The following PHLDB2 variants were observed in gnomAD, a reference collection of about 807,000 sequenced individuals.
The protein encoded by PHLDB2 is pleckstrin homology-like domain family B member 2.
Under a neutral mutation model 123.6 loss-of-function variants are expected in PHLDB2, and 71 were observed. The observed-to-expected ratio is 0.57, with a 90% confidence interval of 0.47 to 0.70. The LOEUF (loss-of-function observed/expected upper bound fraction) is 0.70, where lower values mean the gene tolerates loss of function less well. PHLDB2 is among the 30% of genes least tolerant of loss of function. PHLDB2 has a pLI of 0.00. For synonymous variants in PHLDB2, 547 were observed against 541.6 expected (o/e 1.01, Z -0.14); for missense variants, 1,446 against 1,519.5 (o/e 0.95, Z 0.80).
At chr3:111,886,428 C>T (rs1010762576) in intron 2 of PHLDB2, among the ~76,000 whole-genome samples, 7 of 149,004 alleles carry the variant, frequency 4.7e-5, no homozygotes, top group Admixed American at 2.0e-4. Flanking sequence ...TTTCTTAAAA[C>T]ATTATGAGAT....
intron 5 of PHLDB2, among the ~76,000 whole-genome samples, chr3:111,922,908 G>A (rs1010898461): frequency 1.3e-5 from 2 of 152,082 alleles, no homozygotes; most frequent in Non-Finnish European, 2.9e-5. Flanking sequence ...CCCTTTGGAT[G>A]TGCTCTGGGT....
chr3:111,833,955 A>T lies in PHLDB2; in HGVS notation c.-48-11866A>T, dbSNP rs796383804. 3.6e-3 allele frequency among the ~76,000 whole-genome samples: 350 copies of T among 97,344 alleles called. 106 individuals carry two copies. The highest frequency in any genetic ancestry group is 0.014 in the African/African-American group (288 of 21,010). 63.9% of individuals were successfully genotyped at this position (97,344 alleles called of 152,430 possible). Reference sequence around the variant, plus strand: ...ATATATGTAATGGAATTATATATATAATATATGTAATGGAATTATATATAT... The same window carrying T: ...ATATATGTAATGGAATTATATATATTATATATGTAATGGAATTATATATAT... On this transcript the variant is annotated intron_variant, in intron 1 of 17. Coordinates refer to the PHLDB2 transcript ENST00000393923.
chr3:111,837,363 C>G (rs2063463619), intron 1 of PHLDB2, among the ~76,000 whole-genome samples: 1 of 152,112 alleles, frequency 6.6e-6, no homozygotes, highest in Admixed American at 6.6e-5. Flanking sequence ...TAACATCAAA[C>G]AGTTGATCTA....
chr3:111,814,944 A>C (rs2062005995), intron 1 of PHLDB2, among the ~76,000 whole-genome samples: 1 of 152,184 alleles, frequency 6.6e-6, no homozygotes, highest in Non-Finnish European at 1.5e-5. Flanking sequence ...GTGTGGGAGG[A>C]ACCTGGTGGG....
In PHLDB2 at chr3:111,780,412, A is replaced by AAGAAGAAG. The variant is rs1326616017; in HGVS notation, c.-49+47710_-49+47711insGAAGAAGA. Among the ~76,000 whole-genome samples, 39 of 116,774 alleles carry AAGAAGAAG rather than the reference A, an allele frequency of 3.3e-4. 6 individuals carry two copies. The highest frequency in any genetic ancestry group is 4.2e-3 in the Middle Eastern group (1 of 236). 76.6% of individuals were successfully genotyped at this position (116,774 alleles called of 152,430 possible). On this transcript the variant is annotated intron_variant, in intron 1 of 17. Transcript: ENST00000393923. ...AGAAGAAGAAGAAGAAGAAGAAGAA[A>AAGAAGAAG]AAGATTAGTTCGGCCCAACTTTCTG... is the stretch of plus-strand genomic sequence containing the variant.
intron 1 of PHLDB2, among the ~76,000 whole-genome samples, chr3:111,822,391 A>G (rs186204034): frequency 6.6e-6 from 1 of 152,054 alleles, no homozygotes; most frequent in East Asian, 1.9e-4. Context: ...TTCCTTGTGA[A>G]AATGAAAGGC....
In PHLDB2 at chr3:111,865,106, G is replaced by C. The variant is rs142928053; in HGVS notation, c.-15+5530G>C. 3.7e-4 allele frequency among the ~76,000 whole-genome samples: 57 copies of C among 152,334 alleles called. No homozygotes were observed. In the East Asian group the frequency reaches 8.9e-3, roughly 24 times the overall value. On this transcript the variant is annotated intron_variant, in intron 1 of 17. Transcript: ENST00000431670. ...CTTTTGACCAGTGCAGACCCAGTGT[G>C]AATAGTGCCGCACAGCCAAGAGATA...
intron 1 of PHLDB2, among the ~76,000 whole-genome samples, chr3:111,807,950 T>G (rs557767662): frequency 3.4e-5 from 3 of 88,658 alleles, no homozygotes; most frequent in South Asian, 7.0e-4. Flanking sequence ...CTGGGTGTTT[T>G]TTTTTTTTTT....
At chr3:111,903,835 C>G (rs552061112) in intron 2 of PHLDB2, among the ~76,000 whole-genome samples, 1 of 152,268 alleles carries the variant, frequency 6.6e-6, no homozygotes, top group East Asian at 1.9e-4. Context: ...CACTAATCTA[C>G]TCATCTCTGT....
rs2071873601 is a variant in PHLDB2 at position 111,967,790 on chromosome 3, A to G, written c.3281A>G (p.Lys1094Arg). 1.2e-6 allele frequency: 2 copies of G among 1,612,004 alleles called. No individual in the cohort carries two copies. The change falls in exon 15 of 18, where the codon AAG becomes AGG. Residue 1094 changes from lysine to arginine, a missense_variant. Transcript: ENST00000431670. ...AGCCAGAGGCAGAAGTTAATAGAAA[A>G]GGAAGTAAAAATAAGGGAGAGACAA... is the stretch of plus-strand genomic sequence containing the variant. ...ETSQRQKLIE[K>R]EVKIRERQRA...
Position 111,949,077 on chromosome 3 carries a change from T to C in PHLDB2, c.2631+2T>C. On this transcript the variant is annotated splice_donor_variant, in intron 10 of 17. Transcript: ENST00000431670. LOFTEE classifies it high-confidence loss of function. ...GCGAGCCAGCCACAGAGTAAAGAGG[T>C]GTGTAGGCATGACGTTTCATTCATT... is the stretch of plus-strand genomic sequence containing the variant. 6.2e-7 allele frequency: 1 copy of C among 1,613,286 alleles called. No homozygotes were observed. The highest frequency in any genetic ancestry group is 1.1e-5 in the South Asian group (1 of 91,034).
intron 1 of PHLDB2, chr3:111,859,946 T>C (rs907759675): frequency 6.9e-5 from 64 of 924,424 alleles, no homozygotes; most frequent in Non-Finnish European, 7.6e-5. Context: ...AAGCCCGGGC[T>C]GGGGTCGGCA....
At chr3:111,921,604 CTT>C (rs368628355) in intron 5 of PHLDB2, among the ~76,000 whole-genome samples, 3 of 132,238 alleles carry the variant, frequency 2.3e-5, no homozygotes, top group African/African-American at 2.8e-5. Context: ...TGCCCCCAGA[CTT>C]TTTTTTTTTT....
At chr3:111,894,302 G>C (rs1026526847) in intron 2 of PHLDB2, among the ~76,000 whole-genome samples, 5 of 151,856 alleles carry the variant, frequency 3.3e-5, no homozygotes, top group African/African-American at 9.7e-5. Context: ...TCTTAATCCA[G>C]TCTATCATTG....
intron 1 of PHLDB2, among the ~76,000 whole-genome samples, chr3:111,777,994 G>A (rs2060296900): frequency 6.6e-6 from 1 of 151,878 alleles, no homozygotes; most frequent in Admixed American, 6.6e-5. Context: ...TATAAGCGTA[G>A]GAGCTGACTA....
chr3:111,943,776 A>G lies in PHLDB2; in HGVS notation c.2398-1492A>G, dbSNP rs546822229. Among the ~76,000 whole-genome samples the G allele has an allele frequency of 2.0e-5, 3 of 152,310 alleles. No homozygotes were observed. In the South Asian group the frequency reaches 6.2e-4, roughly 32 times the overall value. ...TATGAAGCAACTAGAACTTTCATACATTGCTGACTTGAGTGTAAAATATAC... is the reference window on the plus strand; with the variant it reads ...TATGAAGCAACTAGAACTTTCATACGTTGCTGACTTGAGTGTAAAATATAC... On this transcript the variant is annotated intron_variant, in intron 8 of 17. Transcript: ENST00000431670.
At chr3:111,822,317 GTA>G (rs1168681416) in intron 1 of PHLDB2, among the ~76,000 whole-genome samples, 10 of 147,806 alleles carry the variant, frequency 6.8e-5, no homozygotes, top group Admixed American at 2.0e-4. Context: ...GTGTGTGTGT[GTA>G]TATATATATA....
At chr3:111,801,599 G>C (rs2061380683) in intron 1 of PHLDB2, among the ~76,000 whole-genome samples, 1 of 152,170 alleles carries the variant, frequency 6.6e-6, no homozygotes, top group African/African-American at 2.4e-5. Flanking sequence ...GTAGGTGAAG[G>C]ATGGATGACC....
intron 12 of PHLDB2, among the ~76,000 whole-genome samples, chr3:111,961,429 G>T (rs1259856034): frequency 2.0e-5 from 3 of 152,184 alleles, no homozygotes; most frequent in African/African-American, 7.2e-5. Flanking sequence ...CTTGTGGAAG[G>T]CTGATTGTTA....
Sources: allele counts gnomAD v4.1 joint callset (sites outside exome capture counted in the v4.1 genomes callset), GRCh38; gene constraint gnomAD v4.1.1; transcripts MANE v1.5; gene names NCBI Gene and HGNC (gene_info 2026-07-23, HGNC 2026-07-21).